ZNF536: variants seen among roughly 807,000 people sequenced by gnomAD.
ZNF536 encodes zinc finger protein 536.
Under a neutral mutation model 84.5 loss-of-function variants are expected in ZNF536, and 13 were observed. The ratio of observed to expected loss-of-function variants is 0.15; its 90% CI spans 0.10 to 0.24. ZNF536 has a LOEUF of 0.24. Ranked by LOEUF, ZNF536 falls within the 10% of genes least tolerant of loss-of-function variation. ZNF536 has a pLI of 1.00. For missense variants in ZNF536, 1,536 were observed against 1,747.5 expected, an observed-to-expected ratio of 0.88 and a Z score of 2.16; for synonymous variants, 811 against 742.5, an observed-to-expected ratio of 1.09 and a Z score of -1.50.
intron 1 of ZNF536, among the ~76,000 whole-genome samples, chr19:30,256,723 A>C (rs981214296): frequency 1.8e-4 from 27 of 152,138 alleles, no homozygotes; most frequent in Admixed American, 1.8e-3. Context: ...GTTGTAATGC[A>C]GTTTGAGGTT....
chr19:30,394,582 C>T (rs1324667127), intron 1 of ZNF536, among the ~76,000 whole-genome samples: 1 of 152,166 alleles, frequency 6.6e-6, no homozygotes, highest in Non-Finnish European at 1.5e-5. Flanking sequence ...CACCACCATG[C>T]CCTCCACACT....
chr19:30,253,737 G>A (rs1161872240), intron 1 of ZNF536, among the ~76,000 whole-genome samples: 1 of 152,056 alleles, frequency 6.6e-6, no homozygotes, highest in African/African-American at 2.4e-5. Flanking sequence ...GGGTGGCGCC[G>A]ACAGCTCCAG....
intron 2 of ZNF536, among the ~76,000 whole-genome samples, chr19:30,345,949 G>A (rs780572408): frequency 4.6e-5 from 7 of 152,224 alleles, no homozygotes; most frequent in Non-Finnish European, 7.3e-5. Flanking sequence ...TCAAACTCCC[G>A]TGTACAGCAC....
Position 30,273,545 on chromosome 19 carries a change from C to T in ZNF536, c.-189-10527C>T, listed in dbSNP as rs557231236. On this transcript the variant is annotated intron_variant, in intron 1 of 5. Coordinates refer to the ZNF536 transcript ENST00000585628. Reference sequence around the variant, plus strand: ...TCTGTCTGTATATCTTCTTTGGGGACGTACCTGTTCAGATCTTTTGCCCAT... The same window carrying T: ...TCTGTCTGTATATCTTCTTTGGGGATGTACCTGTTCAGATCTTTTGCCCAT... 2.1e-4 allele frequency among the ~76,000 whole-genome samples: 32 copies of T among 152,218 alleles called. No homozygotes were observed. In the East Asian group the frequency reaches 2.1e-3, roughly 10 times the overall value.
intron 3 of ZNF536, among the ~76,000 whole-genome samples, chr19:30,356,231 G>A (rs1054552573): frequency 6.6e-6 from 1 of 152,202 alleles, no homozygotes; most frequent in Non-Finnish European, 1.5e-5. Flanking sequence ...TCATGTTCAG[G>A]TTGGGAGGCC....
At chr19:30,249,308 T>C (rs1204975202) in intron 1 of ZNF536, among the ~76,000 whole-genome samples, 2 of 145,172 alleles carry the variant, frequency 1.4e-5, no homozygotes, top group Non-Finnish European at 3.0e-5. Flanking sequence ...GTATTAGTCT[T>C]AGTATTATAA....
chr19:30,550,685 T>C (rs1023469620), intron 4 of ZNF536, among the ~76,000 whole-genome samples: 5 of 152,180 alleles, frequency 3.3e-5, no homozygotes, highest in African/African-American at 1.2e-4. Flanking sequence ...CTCAACATCC[T>C]GTTGTTCGTT....
In ZNF536 at chr19:30,548,952, C is replaced by A. The variant is rs771868226; in HGVS notation, c.3333C>A (p.Phe1111Leu). ...CATTTTGTAACTTCCCATCAGACTT[C>A]TACAAGCAGTTTGGTGTTTACCCAG... ...DPAFCNFPSD[F>L]YKQFGVYPGM... Residue 1111 changes from phenylalanine (F) to leucine (L), a missense_variant, in exon 4 of 5, where the codon TTC (phenylalanine) becomes TTA (leucine). Physicochemically the swap from Phe to Leu is conservative, Grantham distance 22. Transcript: ENST00000355537. The A allele has an allele frequency of 2.5e-6, 4 of 1,614,158 alleles. No homozygotes were observed. Among genetic ancestry groups the A allele is most frequent in the Non-Finnish European group, 3.4e-6 (4 of 1,180,028 alleles).
At chr19:30,404,732 G>GA (rs1465623135) in intron 1 of ZNF536, among the ~76,000 whole-genome samples, 11 of 151,694 alleles carry the variant, frequency 7.3e-5, no homozygotes, top group Middle Eastern at 3.2e-3. Context: ...AATGTCCGGA[G>GA]GCGGGGGGGC....
intron 1 of ZNF536, among the ~76,000 whole-genome samples, chr19:30,237,835 T>A (rs2023654344): frequency 6.6e-6 from 1 of 152,176 alleles, no homozygotes; most frequent in Non-Finnish European, 1.5e-5. Context: ...AGATGCTTAT[T>A]TCATTGAGCT....
intron 1 of ZNF536, among the ~76,000 whole-genome samples, chr19:30,238,591 A>G (rs1367595237): frequency 6.6e-6 from 1 of 151,838 alleles, no homozygotes; most frequent in African/African-American, 2.4e-5. Context: ...AGGTCCCTTC[A>G]TTCCTTTCTT....
chr19:30,233,623 C>T (rs148022556), intron 1 of ZNF536, among the ~76,000 whole-genome samples: 1 of 152,178 alleles, frequency 6.6e-6, no homozygotes, highest in East Asian at 1.9e-4. Context: ...GTTGGGATTA[C>T]AGGCATGAGG....
chr19:30,295,998 G>A (rs2045984982), intron 2 of ZNF536, among the ~76,000 whole-genome samples: 1 of 152,200 alleles, frequency 6.6e-6, no homozygotes, highest in Non-Finnish European at 1.5e-5. Context: ...CCAGTGTCGG[G>A]CAGGGCAGGT....
At chr19:30,349,078 A>C (rs1006423698) in intron 2 of ZNF536, among the ~76,000 whole-genome samples, 1 of 152,192 alleles carries the variant, frequency 6.6e-6, no homozygotes, top group Non-Finnish European at 1.5e-5. Context: ...TCAAGTGCTG[A>C]GTTGGTGCCC....
chr19:30,393,885 T>C (rs1285473217), intron 1 of ZNF536, among the ~76,000 whole-genome samples: 2 of 152,172 alleles, frequency 1.3e-5, no homozygotes, highest in Non-Finnish European at 2.9e-5. Context: ...AGGGGCAATG[T>C]GGGCAGAATG....
intron 1 of ZNF536, among the ~76,000 whole-genome samples, chr19:30,383,701 C>CTT (rs1555737833): frequency 0.014 from 159 of 11,452 alleles, 6 homozygotes; most frequent in East Asian, 0.038. Flanking sequence ...TCTTTTCTTT[C>CTT]TCTTTCTTTC....
At chr19:30,245,197 C>T (rs1050018342) in intron 1 of ZNF536, among the ~76,000 whole-genome samples, 1 of 152,244 alleles carries the variant, frequency 6.6e-6, no homozygotes, top group African/African-American at 2.4e-5. Context: ...CAGCACAATG[C>T]TCAGGTCCCA....
intron 1 of ZNF536, among the ~76,000 whole-genome samples, chr19:30,655,308 G>A (rs755121379): frequency 1.7e-4 from 26 of 152,310 alleles, no homozygotes; most frequent in African/African-American, 5.8e-4. Flanking sequence ...TCTTCTCAGA[G>A]AGCTTTGCTC....
intron 2 of ZNF536, among the ~76,000 whole-genome samples, chr19:30,449,928 C>G (rs376694338): frequency 6.6e-6 from 1 of 152,078 alleles, no homozygotes. Context: ...TCTTTCTTTT[C>G]CACCTCTTTT....
Sources: gnomAD v4.1 joint callset for allele counts (sites outside exome capture counted in the v4.1 genomes callset) on GRCh38, gnomAD v4.1.1 for gene constraint, MANE v1.5 for transcripts, NCBI Gene and HGNC (gene_info 2026-07-23, HGNC 2026-07-21) for gene names.